Variants in PTER observed in about 807,000 individuals in gnomAD.
PTER encodes the protein N-acetyltaurine hydrolase.
PTER carries 38 observed loss-of-function variants against 29.6 expected under a neutral mutation model. The ratio of observed to expected loss-of-function variants is 1.28; its 90% CI spans 0.99 to 1.68. The LOEUF (loss-of-function observed/expected upper bound fraction) is 1.68. Among genes scored for constraint, PTER ranks in the 40% most tolerant of loss-of-function variants. The pLI is 0.00. For synonymous variants in PTER, 172 were observed against 154.5 expected, an observed-to-expected ratio of 1.11 and a Z score of -0.84; for missense variants, 482 against 427.8, an observed-to-expected ratio of 1.13 and a Z score of -1.12.
intron 3 of PTER, among the ~76,000 whole-genome samples, chr10:16,499,693 C>T (rs1238331433): frequency 2.0e-5 from 3 of 152,078 alleles, no homozygotes; most frequent in Admixed American, 1.3e-4. Context: ...ACCCTTCCAC[C>T]TCAGCCTCGC....
intron 4 of PTER, among the ~76,000 whole-genome samples, chr10:16,510,515 C>T (rs4747276): frequency 0.32 from 49,192 of 152,082 alleles, 8,113 homozygotes; most frequent in Admixed American, 0.36. Flanking sequence ...TTATCAAATG[C>T]CCCTCACTTG....
At chr10:16,438,552 GGCT>G (rs1293692232) in intron 1 of PTER, among the ~76,000 whole-genome samples, 1 of 148,254 alleles carries the variant, frequency 6.7e-6, no homozygotes, top group Non-Finnish European at 1.5e-5. Flanking sequence ...CAAATGATCT[GGCT>G]GCCTCGGCCT....
chr10:16,460,872 AC>A (rs1834588145), intron 1 of PTER, among the ~76,000 whole-genome samples: 1 of 151,918 alleles, frequency 6.6e-6, no homozygotes, highest in African/African-American at 2.4e-5. Context: ...ACCCGCCACC[AC>A]GTCTGGCTAA....
chr10:16,452,112 A>G (rs1352172125), intron 1 of PTER, among the ~76,000 whole-genome samples: 1 of 151,936 alleles, frequency 6.6e-6, no homozygotes, highest in African/African-American at 2.4e-5. Flanking sequence ...TTTCTAAAAC[A>G]CATTAAAATA....
At chr10:16,485,970 A>T (rs561227629) in intron 2 of PTER, among the ~76,000 whole-genome samples, 4 of 152,284 alleles carry the variant, frequency 2.6e-5, no homozygotes, top group African/African-American at 9.6e-5. Context: ...ATGACTTGAT[A>T]CACGGGACAT....
intron 1 of PTER, among the ~76,000 whole-genome samples, chr10:16,463,668 G>T (rs1028055203): frequency 2.6e-5 from 4 of 151,756 alleles, no homozygotes; most frequent in Admixed American, 1.3e-4. Context: ...CGCTCATCTC[G>T]GCTTCCCAAA....
chr10:16,489,887 A>G (rs913467358), intron 3 of PTER, among the ~76,000 whole-genome samples: 3 of 152,196 alleles, frequency 2.0e-5, no homozygotes, highest in African/African-American at 7.2e-5. Flanking sequence ...CTGACCCCTC[A>G]GCTTAGCAAG....
At chr10:16,487,065 A>G (rs746773562) in intron 3 of PTER, among the ~76,000 whole-genome samples, 5 of 152,204 alleles carry the variant, frequency 3.3e-5, no homozygotes, top group African/African-American at 7.2e-5. Context: ...GCAAATATAA[A>G]TGTTCACATT....
chr10:16,458,514 A>G (rs1834494856), intron 1 of PTER, among the ~76,000 whole-genome samples: 1 of 152,234 alleles, frequency 6.6e-6, no homozygotes, highest in African/African-American at 2.4e-5. Context: ...ACTTAGATGC[A>G]CATTCATGAT....
At chr10:16,476,174 C>A (rs748153997) in intron 1 of PTER, 2 of 152,194 alleles carry the variant, frequency 1.3e-5, no homozygotes, top group Non-Finnish European at 2.9e-5. Context: ...ACCTCTGCCT[C>A]CCGGGTTCAA....
chr10:16,484,946 G>C (rs979828824), intron 2 of PTER, 130 bp downstream of exon 2: 26 of 1,070,280 alleles, frequency 2.4e-5, no homozygotes, highest in Non-Finnish European at 3.2e-5. Flanking sequence ...ACATCTGCCA[G>C]TTGGGGCCCC....
At chr10:16,438,920 CA>C (rs71374688) in intron 1 of PTER, among the ~76,000 whole-genome samples, 71 of 101,366 alleles carry the variant, frequency 7.0e-4, no homozygotes, top group Middle Eastern at 5.6e-3. Context: ...GACTCTGTCT[CA>C]AAAAAAAAAA....
intron 1 of PTER, among the ~76,000 whole-genome samples, chr10:16,475,163 T>C (rs57692336): frequency 0.17 from 25,958 of 152,070 alleles, 4,226 homozygotes; most frequent in African/African-American, 0.43. Flanking sequence ...GATTTCAACA[T>C]AGGAATTTTG....
chr10:16,470,993 T>A (rs1006573510), intron 1 of PTER, among the ~76,000 whole-genome samples: 3 of 152,214 alleles, frequency 2.0e-5, no homozygotes, highest in Non-Finnish European at 4.4e-5. Flanking sequence ...TGTGTTCAGA[T>A]GAGATCTTGT....
At chr10:16,497,667 C>T (rs1836165213) in intron 3 of PTER, among the ~76,000 whole-genome samples, 1 of 152,186 alleles carries the variant, frequency 6.6e-6, no homozygotes. Context: ...AAATTCTTTC[C>T]TCTGCTCCTT....
chr10:16,487,633 A>G (rs925446672), intron 3 of PTER, among the ~76,000 whole-genome samples: 1 of 152,180 alleles, frequency 6.6e-6, no homozygotes, highest in Non-Finnish European at 1.5e-5. Context: ...TTTTAGATGC[A>G]TAGGGGACAG....
intron 1 of PTER, among the ~76,000 whole-genome samples, chr10:16,448,533 G>A (rs1464480446): frequency 1.3e-5 from 2 of 152,136 alleles, no homozygotes; most frequent in East Asian, 3.9e-4. Context: ...ATCTCGACAG[G>A]CCCCACACCG....
rs1411917250 is a variant in PTER at position 16,484,341 on chromosome 10, A to G, written c.-44A>G. ...TGTTTGTTTGTTTGTTTTTAGAAAA[A>G]AGAAATCCTCTTTTTAGAACATCTC... On this transcript the variant is annotated 5_prime_UTR_variant, in exon 2 of 5. Transcript: ENST00000535784. 4.7e-6 allele frequency: 7 copies of G among 1,494,666 alleles called. No individual in the cohort carries two copies. The South Asian group carries it at 9.3e-5, about 20-fold the overall frequency. 92.6% of individuals were successfully genotyped at this position (1,494,666 alleles called of 1,614,324 possible). A position where few individuals can be genotyped will look rare whatever the true frequency, so the allele number is the denominator to read the frequency against.
At chr10:16,442,338 AGAT>A (rs1833878108) in intron 1 of PTER, among the ~76,000 whole-genome samples, 1 of 152,260 alleles carries the variant, frequency 6.6e-6, no homozygotes, top group African/African-American at 2.4e-5. Flanking sequence ...CTGAAAGGTT[AGAT>A]GTTATCAGTC....
Sources: allele counts gnomAD v4.1 joint callset (sites outside exome capture counted in the v4.1 genomes callset), GRCh38; gene constraint gnomAD v4.1.1; transcripts MANE v1.5; gene names NCBI Gene and HGNC (gene_info 2026-07-23, HGNC 2026-07-21).